LRRC28: variants seen among roughly 807,000 people sequenced by gnomAD.
LRRC28 encodes the protein leucine-rich repeat-containing protein 28.
In LRRC28, 39 loss-of-function variants were observed where a neutral mutation model predicts 45.7. The observed-to-expected ratio is 0.85, with a 90% confidence interval of 0.66 to 1.12. LRRC28 has a LOEUF of 1.12. Among genes scored for constraint, LRRC28 ranks in the 50% most tolerant of loss-of-function variants. The pLI is 0.00. For synonymous variants in LRRC28, 206 were observed against 178.8 expected, an observed-to-expected ratio of 1.15 and a Z score of -1.22; for missense variants, 435 against 438.5, an observed-to-expected ratio of 0.99 and a Z score of 0.07.
intron 3 of LRRC28, chr15:99,285,427 G>T: frequency 1.3e-6 from 1 of 770,156 alleles, no homozygotes. Flanking sequence ...GGCGTGCTTG[G>T]TGTTGGGATC....
In LRRC28 at chr15:99,386,587, C is replaced by G. The variant is rs1379257418; in HGVS notation, c.*485C>G. The G allele has an allele frequency of 6.5e-6, 1 of 154,458 alleles. No individual in the cohort carries two copies. Among genetic ancestry groups the G allele is most frequent in the Non-Finnish European group, 1.4e-5 (1 of 69,538 alleles). The allele number at this position is 154,458 out of a possible 1,614,324, so 9.6% of individuals were successfully genotyped here. ...GAGGAGTTTCAGCAAACCCCGTGGCCTCAATGGTCTTGAGTAGCAGGGTGG... is the reference window on the plus strand; with the variant it reads ...GAGGAGTTTCAGCAAACCCCGTGGCGTCAATGGTCTTGAGTAGCAGGGTGG... On this transcript the variant is annotated 3_prime_UTR_variant, in exon 10 of 10. Coordinates refer to ENST00000301981, the MANE Select transcript of LRRC28 (RefSeq NM_144598.5).
intron 5 of LRRC28, among the ~76,000 whole-genome samples, chr15:99,292,066 C>T (rs2082135175): frequency 6.6e-6 from 1 of 152,220 alleles, no homozygotes. Flanking sequence ...AGTTTGGCTT[C>T]TGACTTTCTG....
At chr15:99,331,739 C>G (rs1164926482) in intron 5 of LRRC28, among the ~76,000 whole-genome samples, 4 of 152,166 alleles carry the variant, frequency 2.6e-5, no homozygotes, top group Non-Finnish European at 5.9e-5. Context: ...ATTGGTGTCT[C>G]TGTCATTTGC....
chr15:99,289,939 CAA>C (rs398028517), intron 5 of LRRC28, among the ~76,000 whole-genome samples: 9 of 49,712 alleles, frequency 1.8e-4, no homozygotes, highest in East Asian at 1.0e-3. Flanking sequence ...GACTCCGTCT[CAA>C]AAAAAAAAAA....
intron 3 of LRRC28, among the ~76,000 whole-genome samples, chr15:99,276,834 G>A (rs2081630205): frequency 6.6e-6 from 1 of 152,174 alleles, no homozygotes; most frequent in Non-Finnish European, 1.5e-5. Context: ...CTTCAAGGTA[G>A]TGAAGATGAT....
rs560582120 is a variant in LRRC28 at position 99,257,678 on chromosome 15, C to T, written c.168+1553C>T. 2.0e-4 allele frequency: 148 copies of T among 753,290 alleles called. 2 individuals are homozygous for T. The highest frequency in any genetic ancestry group is 1.9e-3 in the South Asian group (140 of 73,750). The allele number at this position is 753,290 out of a possible 1,614,324, so 46.7% of individuals were successfully genotyped here. ...GCCTCTGCTGCGTCCTGCTGACCTT[C>T]GGGTCGGTCAGAGCTGTTGATGAAG... is the stretch of plus-strand genomic sequence containing the variant. On this transcript the variant is annotated intron_variant, in intron 2 of 9. Transcript: ENST00000301981.
In LRRC28 at chr15:99,387,451, C is replaced by A. The variant is rs570947329; in HGVS notation, c.*1349C>A. The A allele has an allele frequency of 1.3e-5, 2 of 152,134 alleles. No homozygotes were observed. Among genetic ancestry groups the A allele is most frequent in the African/African-American group, 2.4e-5 (1 of 41,436 alleles). The allele number at this position is 152,134 out of a possible 1,614,324, so 9.4% of individuals were successfully genotyped here. A position where few individuals can be genotyped will look rare whatever the true frequency, so the allele number is the denominator to read the frequency against. Reference sequence around the variant, plus strand: ...ACCACACTGTCTTCATGTTGGCCCTCGTTTCTTGTATACTTAGCTTACTGC... The same window carrying A: ...ACCACACTGTCTTCATGTTGGCCCTAGTTTCTTGTATACTTAGCTTACTGC... On this transcript the variant is annotated 3_prime_UTR_variant, in exon 10 of 10. Coordinates refer to ENST00000301981, the MANE Select transcript of LRRC28 (RefSeq NM_144598.5).
intron 5 of LRRC28, among the ~76,000 whole-genome samples, chr15:99,288,502 CT>C (rs543148948): frequency 1.1e-3 from 172 of 151,628 alleles, no homozygotes; most frequent in African/African-American, 4.0e-3. Context: ...CTGCCTCAGC[CT>C]CCTGAGTAGC....
At chr15:99,328,706 G>T (rs1956063586) in intron 5 of LRRC28, among the ~76,000 whole-genome samples, 1 of 148,392 alleles carries the variant, frequency 6.7e-6, no homozygotes, top group East Asian at 2.0e-4. Flanking sequence ...TAGTAGGCCA[G>T]AGAGGACAAA....
intron 5 of LRRC28, among the ~76,000 whole-genome samples, chr15:99,316,451 TGGGAATTAGGGAATAAGGAAATA>T (rs1191681735): frequency 6.6e-5 from 10 of 152,186 alleles, no homozygotes; most frequent in Admixed American, 2.6e-4. Context: ...ACTAGAGAAA[TGGGAATTAGGGAATAAGGAAATA>T]GGGAATTAGG....
Position 99,343,397 on chromosome 15 carries a change from A to G in LRRC28, c.593-8972A>G, listed in dbSNP as rs1050616867. On this transcript the variant is annotated intron_variant, in intron 6 of 9. Transcript: ENST00000301981. ...TGAATACACAGGAGCTTTTTGTTCC[A>G]TTTTCAGCCATGTGGACTGTGTATG... Among the ~76,000 whole-genome samples the G allele has an allele frequency of 5.3e-5, 8 of 152,138 alleles. No individual in the cohort carries two copies. The East Asian group carries it at 1.3e-3, about 26-fold the overall frequency.
intron 7 of LRRC28, among the ~76,000 whole-genome samples, chr15:99,354,272 A>C (rs925406239): frequency 6.6e-6 from 1 of 152,240 alleles, no homozygotes; most frequent in African/African-American, 2.4e-5. Context: ...CCCCAAAATT[A>C]TACTTACAAT....
chr15:99,383,957 G>C (rs1299988951), intron 9 of LRRC28, among the ~76,000 whole-genome samples: 1 of 152,174 alleles, frequency 6.6e-6, no homozygotes, highest in African/African-American at 2.4e-5. Context: ...AAGTACCCCT[G>C]TTGGCCTGAT....
At chr15:99,259,840 G>A (rs2081142493) in intron 2 of LRRC28, 1 of 837,702 alleles carries the variant, frequency 1.2e-6, no homozygotes, top group Admixed American at 1.7e-5. Flanking sequence ...AGATAGAATA[G>A]AAAGAATGCC....
In LRRC28 at chr15:99,386,783, G is replaced by GT. The variant is rs952732547; in HGVS notation, c.*687dup. 6.6e-6 allele frequency: 1 copy of GT among 152,072 alleles called. No individual in the cohort carries two copies. The highest frequency in any genetic ancestry group is 1.5e-5 in the Non-Finnish European group (1 of 68,002). The allele number at this position is 152,072 out of a possible 1,614,324, so 9.4% of individuals were successfully genotyped here. ...TAGATTGTAATGAAATACACTTCCT[G>GT]TTTTTTAAAAGTGTTTGCAGAAAAA... On this transcript the variant is annotated 3_prime_UTR_variant, in exon 10 of 10. Transcript: ENST00000301981.
intron 5 of LRRC28, among the ~76,000 whole-genome samples, chr15:99,330,546 G>A (rs1364700278): frequency 6.6e-6 from 1 of 151,934 alleles, no homozygotes; most frequent in Non-Finnish European, 1.5e-5. Context: ...GAATATAGCT[G>A]CTCTCTCTTA....
At chr15:99,310,030 G>A (rs1955345813) in intron 5 of LRRC28, among the ~76,000 whole-genome samples, 1 of 152,148 alleles carries the variant, frequency 6.6e-6, no homozygotes, top group African/African-American at 2.4e-5. Flanking sequence ...GACTTCTGAG[G>A]GTCATGTGAA....
intron 5 of LRRC28, among the ~76,000 whole-genome samples, chr15:99,323,970 A>C (rs1387364056): frequency 6.6e-6 from 1 of 152,224 alleles, no homozygotes; most frequent in African/African-American, 2.4e-5. Flanking sequence ...CTCAAGAGAA[A>C]GAAAATGGAT....
chr15:99,303,990 T>C (rs1955084386), intron 5 of LRRC28, among the ~76,000 whole-genome samples: 1 of 152,238 alleles, frequency 6.6e-6, no homozygotes, highest in Non-Finnish European at 1.5e-5. Context: ...GTTTACAGAA[T>C]TGTAAAATTG....
Sources: allele counts gnomAD v4.1 joint callset (sites outside exome capture counted in the v4.1 genomes callset), GRCh38; gene constraint gnomAD v4.1.1; transcripts MANE v1.5; gene names NCBI Gene and HGNC (gene_info 2026-07-23, HGNC 2026-07-21).